CNTN5: variants seen among roughly 807,000 people sequenced by gnomAD.
CNTN5 encodes contactin 5, also known as contactin-5.
In CNTN5, 77 loss-of-function variants were observed where a neutral mutation model predicts 129.1. The ratio of observed to expected loss-of-function variants is 0.60; its 90% confidence interval spans 0.50 to 0.72. The LOEUF (loss-of-function observed/expected upper bound fraction) is 0.72. Among genes scored for constraint, CNTN5 ranks in the 30% least tolerant of loss-of-function variants. The probability of loss-of-function intolerance (pLI) is 0.00; values close to 1 mark genes in which losing one functional copy is unlikely to be tolerated. For missense variants in CNTN5, 1,478 were observed against 1,328.8 expected, an observed-to-expected ratio of 1.11 and a Z score of -1.75; for synonymous variants, 509 against 465.6, an observed-to-expected ratio of 1.09 and a Z score of -1.20.
At chr11:99,079,907 C>T (rs1865722957) in intron 1 of CNTN5, among the ~76,000 whole-genome samples, 1 of 152,168 alleles carries the variant, frequency 6.6e-6, no homozygotes, top group South Asian at 2.1e-4. Context: ...GCCTGCATGC[C>T]AGCTTTGTAG....
intron 4 of CNTN5, among the ~76,000 whole-genome samples, chr11:99,841,802 T>TATA (rs778398133): frequency 8.3e-6 from 1 of 119,820 alleles, no homozygotes. Flanking sequence ...TATATATATG[T>TATA]GGTGTGTGTG....
intron 21 of CNTN5, among the ~76,000 whole-genome samples, chr11:100,316,296 A>G (rs1210594803): frequency 6.6e-6 from 1 of 152,176 alleles, no homozygotes; most frequent in Non-Finnish European, 1.5e-5. Context: ...TTCACTCATC[A>G]AGCATTTATT....
chr11:99,384,433 A>G (rs1283748612), intron 2 of CNTN5, among the ~76,000 whole-genome samples: 1 of 152,190 alleles, frequency 6.6e-6, no homozygotes, highest in Non-Finnish European at 1.5e-5. Context: ...TTGATATTTG[A>G]TTGCCAAAAT....
At chr11:100,350,925 T>C (rs1952397499) in intron 24 of CNTN5, 55 bp downstream of exon 24, 1 of 1,373,408 alleles carries the variant, frequency 7.3e-7, no homozygotes, top group South Asian at 1.7e-5. Context: ...TACGAGATGG[T>C]ATGAAAGTCA....
At chr11:99,892,689 T>A (rs1320106210) in intron 6 of CNTN5, among the ~76,000 whole-genome samples, 1 of 152,150 alleles carries the variant, frequency 6.6e-6, no homozygotes, top group East Asian at 1.9e-4. Flanking sequence ...GGTCTATATA[T>A]CTGTGTTGGT....
At chr11:99,611,898 G>T (rs1950602807) in intron 3 of CNTN5, among the ~76,000 whole-genome samples, 2 of 152,138 alleles carry the variant, frequency 1.3e-5, no homozygotes, top group Non-Finnish European at 2.9e-5. Context: ...ATGGATAATA[G>T]AATTCTATAA....
intron 3 of CNTN5, among the ~76,000 whole-genome samples, chr11:99,719,491 G>C (rs908694896): frequency 6.6e-6 from 1 of 152,000 alleles, no homozygotes; most frequent in African/African-American, 2.4e-5. Flanking sequence ...GGAAACAAAG[G>C]ATGAAGATGA....
chr11:99,459,430 T>C (rs991283628), intron 2 of CNTN5, among the ~76,000 whole-genome samples: 2 of 151,938 alleles, frequency 1.3e-5, no homozygotes, highest in African/African-American at 4.8e-5. Flanking sequence ...GTAGTAAGAC[T>C]AATATGATAG....
intron 2 of CNTN5, among the ~76,000 whole-genome samples, chr11:99,433,243 G>C (rs1943462894): frequency 6.6e-6 from 1 of 152,042 alleles, no homozygotes; most frequent in Admixed American, 6.6e-5. Context: ...ATCTTGTTTA[G>C]AAGAAGGGAA....
intron 2 of CNTN5, among the ~76,000 whole-genome samples, chr11:99,522,182 A>G (rs557594008): frequency 6.6e-6 from 1 of 152,144 alleles, no homozygotes; most frequent in Non-Finnish European, 1.5e-5. Flanking sequence ...ATAAAAGAAC[A>G]TATAAAGTTC....
intron 2 of CNTN5, among the ~76,000 whole-genome samples, chr11:99,376,552 A>AGTC (rs1940192736): frequency 6.6e-6 from 1 of 152,204 alleles, no homozygotes; most frequent in African/African-American, 2.4e-5. Flanking sequence ...TCAGATGTCT[A>AGTC]ACAATGACAA....
intron 2 of CNTN5, among the ~76,000 whole-genome samples, chr11:99,406,220 G>C (rs1042921629): frequency 2.6e-5 from 4 of 151,874 alleles, no homozygotes; most frequent in Admixed American, 6.6e-5. Flanking sequence ...ATTCAAAAAG[G>C]CTTGGGAATT....
chr11:99,240,601 G>GAA (rs35516751), intron 1 of CNTN5, among the ~76,000 whole-genome samples: 1 of 151,696 alleles, frequency 6.6e-6, no homozygotes, highest in East Asian at 1.9e-4. Context: ...AGCTTATTAT[G>GAA]AAAAAAATTT....
intron 1 of CNTN5, among the ~76,000 whole-genome samples, chr11:99,190,113 T>G (rs1172907051): frequency 6.6e-6 from 1 of 151,626 alleles, no homozygotes; most frequent in African/African-American, 2.4e-5. Flanking sequence ...TGTATTGTTA[T>G]GATATCCAGC....
chr11:99,710,538 T>A (rs558003338), intron 3 of CNTN5, among the ~76,000 whole-genome samples: 1 of 150,210 alleles, frequency 6.7e-6, no homozygotes, highest in Admixed American at 6.7e-5. Context: ...GCAGAGTTCC[T>A]GCTCTAGATT....
intron 23 of CNTN5, among the ~76,000 whole-genome samples, chr11:100,349,314 C>T (rs1044742606): frequency 1.3e-5 from 2 of 151,780 alleles, no homozygotes; most frequent in African/African-American, 4.8e-5. Context: ...AAATATATGT[C>T]AATAATTATC....
intron 21 of CNTN5, among the ~76,000 whole-genome samples, chr11:100,338,321 A>T (rs966088797): frequency 6.6e-6 from 1 of 152,168 alleles, no homozygotes; most frequent in African/African-American, 2.4e-5. Context: ...TGGAAGAGGC[A>T]ATCCTAGACA....
chr11:99,875,207 C>T (rs1446676145), intron 6 of CNTN5, among the ~76,000 whole-genome samples: 1 of 152,140 alleles, frequency 6.6e-6, no homozygotes, highest in Non-Finnish European at 1.5e-5. Context: ...GAATAGATCT[C>T]TCCTAATTAT....
chr11:100,318,147 A>C (rs1342978192), intron 21 of CNTN5, among the ~76,000 whole-genome samples: 1 of 148,546 alleles, frequency 6.7e-6, no homozygotes, highest in Non-Finnish European at 1.5e-5. Context: ...AGGCTGAGGC[A>C]GGAGAATGGC....
Sources: gnomAD v4.1 joint callset for allele counts (sites outside exome capture counted in the v4.1 genomes callset) on GRCh38, gnomAD v4.1.1 for gene constraint, MANE v1.5 for transcripts, NCBI Gene and HGNC (gene_info 2026-07-23, HGNC 2026-07-21) for gene names.